The following DMXL2 variants were observed in gnomAD, a reference collection of about 807,000 sequenced individuals.
The protein encoded by DMXL2 is Dmx like 2.
A neutral mutation model predicts 331.1 loss-of-function variants in DMXL2; 103 were observed. That is an observed-to-expected ratio of 0.31 (90% confidence interval 0.27 to 0.37). The LOEUF (loss-of-function observed/expected upper bound fraction) is 0.37, where lower values mean the gene tolerates loss of function less well. DMXL2 is among the 10% of genes least tolerant of loss of function. DMXL2 has a pLI of 1.00. For synonymous variants in DMXL2, 1,281 were observed against 1,252.1 expected (o/e 1.02, Z -0.49); for missense variants, 3,171 against 3,642.9 (o/e 0.87, Z 3.33).
rs775269467 is a variant in DMXL2, at chr15:51,450,309, C to A, written c.8787G>T (p.Gln2929His). The change falls in exon 43 of 44, where the codon CAG (glutamine) becomes CAT (histidine). Residue 2929 changes from glutamine to histidine, a missense_variant. Gln to His is a conservative substitution (Grantham distance 24). Around this residue, in one of 7 missense-constraint regions of DMXL2, gnomAD observed 766 missense variants for 940.5 expected, o/e 0.81. Coordinates refer to ENST00000560891, the MANE Select transcript of DMXL2 (RefSeq NM_001378457.1). ...TTAGGAGTTGCTGTTTGGGTGCATA[C>A]TGCAGTACCGTGGCACCATGATCGT... Reference protein sequence around the residue: ...TCHDHGATVLQYAPKQQLLIS... With the variant: ...TCHDHGATVLHYAPKQQLLIS... 6.2e-7 allele frequency: 1 copy of A among 1,613,982 alleles called. No individual in the cohort carries two copies.
chr15:51,502,372 G>T (rs1245630411), intron 17 of DMXL2, among the ~76,000 whole-genome samples: 4 of 148,776 alleles, frequency 2.7e-5, no homozygotes, highest in African/African-American at 1.0e-4. Flanking sequence ...GCCCAGGCTG[G>T]AATGCAGTAG....
chr15:51,585,907 T>G (rs2051783896), intron 1 of DMXL2, among the ~76,000 whole-genome samples: 2 of 152,202 alleles, frequency 1.3e-5, no homozygotes, highest in Non-Finnish European at 1.5e-5. Flanking sequence ...CTTACCATTA[T>G]TAACTCCCAC....
intron 25 of DMXL2, 119 bp downstream of exon 25, chr15:51,479,829 T>C (rs1482576347): frequency 1.5e-6 from 1 of 676,098 alleles, no homozygotes; most frequent in Non-Finnish European, 2.2e-6. Flanking sequence ...CTTGAACTGA[T>C]CATGAGTGAG....
chr15:51,587,209 G>T (rs968758156), intron 1 of DMXL2, among the ~76,000 whole-genome samples: 4 of 152,162 alleles, frequency 2.6e-5, no homozygotes, highest in Non-Finnish European at 4.4e-5. Context: ...GGGTACATGT[G>T]CACAACGTGC....
intron 18 of DMXL2, among the ~76,000 whole-genome samples, chr15:51,496,776 G>T (rs1047077289): frequency 6.6e-6 from 1 of 152,122 alleles, no homozygotes; most frequent in Non-Finnish European, 1.5e-5. Context: ...CTGGATACTG[G>T]GTATGAGAGA....
At chr15:51,525,564 T>G (rs1251873878) in intron 13 of DMXL2, among the ~76,000 whole-genome samples, 6 of 152,062 alleles carry the variant, frequency 3.9e-5, no homozygotes, top group Admixed American at 3.3e-4. Flanking sequence ...GGGAGCCCAA[T>G]GCCCTGAAAT....
intron 36 of DMXL2, 132 bp from the exon 37 acceptor site, chr15:51,457,598 G>T: frequency 9.5e-7 from 1 of 1,053,532 alleles, no homozygotes; most frequent in Non-Finnish European, 1.4e-6. Flanking sequence ...AAAAACTTAG[G>T]TACAAGTCCT....
intron 40 of DMXL2, 59 bp downstream of exon 40, chr15:51,455,092 G>A: frequency 7.5e-7 from 1 of 1,334,664 alleles, no homozygotes; most frequent in Non-Finnish European, 1.1e-6. Context: ...GTCTGAAACA[G>A]ACACTTCATG....
chr15:51,467,870 G>A (rs1302944357), intron 29 of DMXL2, among the ~76,000 whole-genome samples: 1 of 152,034 alleles, frequency 6.6e-6, no homozygotes, highest in African/African-American at 2.4e-5. Flanking sequence ...GGGACTACAG[G>A]CACCTGCCAC....
chr15:51,469,969 T>C (rs916904974), intron 29 of DMXL2, among the ~76,000 whole-genome samples: 2 of 152,156 alleles, frequency 1.3e-5, no homozygotes, highest in South Asian at 4.1e-4. Context: ...TCAGCACACA[T>C]TAGAACCATC....
chr15:51,457,310 T>C lies in DMXL2; in HGVS notation c.8337+18A>G. On this transcript the variant is annotated intron_variant, in intron 37 of 43. Transcript: ENST00000560891. ...AGAGTCCAAATCCAGAAATGATACC[T>C]ATAAGTAAATAACATACCACACTAG... The C allele has an allele frequency of 6.2e-7, 1 of 1,608,446 alleles. No homozygotes were observed.
chr15:51,595,933 A>G (rs2052768250), intron 1 of DMXL2, among the ~76,000 whole-genome samples: 1 of 152,242 alleles, frequency 6.6e-6, no homozygotes, highest in African/African-American at 2.4e-5. Context: ...GATGGATTAA[A>G]GACTTAAATG....
At chr15:51,607,941 T>C (rs1489593609) in intron 1 of DMXL2, among the ~76,000 whole-genome samples, 1 of 152,172 alleles carries the variant, frequency 6.6e-6, no homozygotes, top group Non-Finnish European at 1.5e-5. Context: ...ATCCCAGCAC[T>C]TTTGGAGGCT....
At chr15:51,602,471 T>C (rs990772331) in intron 1 of DMXL2, among the ~76,000 whole-genome samples, 1 of 152,082 alleles carries the variant, frequency 6.6e-6, no homozygotes, top group African/African-American at 2.4e-5. Context: ...GCACTGAATA[T>C]AGACAGGTAC....
intron 17 of DMXL2, among the ~76,000 whole-genome samples, chr15:51,502,600 G>T (rs2043749747): frequency 6.6e-6 from 1 of 152,120 alleles, no homozygotes; most frequent in Non-Finnish European, 1.5e-5. Flanking sequence ...TGGGATTACA[G>T]AAGTGAGCCA....
chr15:51,500,099 T>C lies in DMXL2; in HGVS notation c.3125A>G (p.Glu1042Gly). ...EANPECNKSD[E>G]KEIYHWKRWP... ...TCTCTTCCAATGATAAATTTCTTTC[T>C]CATCACTTTTATTACACTCTGGGTT... The change falls in exon 18 of 44, where the codon GAG becomes GGG. Residue 1042 changes from glutamate to glycine, a missense_variant. By Grantham distance (98) the Glu-to-Gly change is moderately conservative. Around this residue, in one of 7 missense-constraint regions of DMXL2, gnomAD observed 1,674 missense variants for 1,780.2 expected, o/e 0.94. Transcript: ENST00000560891. 1.2e-6 allele frequency: 2 copies of C among 1,614,188 alleles called. No individual in the cohort carries two copies. The highest frequency in any genetic ancestry group is 1.1e-5 in the South Asian group (1 of 91,078).
intron 13 of DMXL2, 35 bp from the exon 14 acceptor site, chr15:51,517,202 C>G (rs756501469): frequency 6.8e-7 from 1 of 1,477,356 alleles, no homozygotes; most frequent in South Asian, 1.1e-5. Flanking sequence ...TAATGGCCAA[C>G]AAATTATAAT....
intron 1 of DMXL2, among the ~76,000 whole-genome samples, chr15:51,576,704 A>G (rs377477409): frequency 1.3e-5 from 2 of 152,200 alleles, no homozygotes; most frequent in African/African-American, 4.8e-5. Flanking sequence ...GGCAATGGCT[A>G]AACTTAAATG....
Position 51,502,275 on chromosome 15 carries a change from G to T in DMXL2, c.2992+531C>A, listed in dbSNP as rs151000823. Among the ~76,000 whole-genome samples, 661 of 148,280 alleles carry T rather than the reference G, an allele frequency of 4.5e-3. 6 individuals are homozygous for T. The highest frequency in any genetic ancestry group is 0.016 in the African/African-American group (638 of 39,810). ...AATTTACACTATTTTCTGTCAAGCT[G>T]ATTACATTTATCACAGGAAATTTTG... On this transcript the variant is annotated intron_variant, in intron 17 of 43. Coordinates refer to ENST00000560891, the MANE Select transcript of DMXL2 (RefSeq NM_001378457.1).
Sources: allele counts gnomAD v4.1 joint callset (sites outside exome capture counted in the v4.1 genomes callset), GRCh38; gene constraint gnomAD v4.1.1; regional missense constraint gnomAD v4.1.1; transcripts MANE v1.5; gene names NCBI Gene and HGNC (gene_info 2026-07-23, HGNC 2026-07-21).